FAM120AOS: variants seen among roughly 807,000 people sequenced by gnomAD.
FAM120AOS encodes uncharacterized protein FAM120AOS.
In FAM120AOS, 15 loss-of-function variants were observed where a neutral mutation model predicts 20.2. The ratio of observed to expected loss-of-function variants is 0.74; its 90% CI spans 0.50 to 1.15. FAM120AOS has a LOEUF of 1.15. Among genes scored for constraint, FAM120AOS ranks in the 50% most tolerant of loss-of-function variants. The pLI is 0.00. For missense variants in FAM120AOS, 327 were observed against 351.9 expected (o/e 0.93, Z 0.57); for synonymous variants, 154 against 154.0 (o/e 1.00, Z 0.00).
At position 93,447,659 on chromosome 9, in the gene FAM120AOS, CTT is replaced by C; in HGVS notation, c.721_722del (p.Lys241GlufsTer19). 2 of 1,612,846 alleles carry C rather than the reference CTT, an allele frequency of 1.2e-6. No individual in the cohort carries two copies. Among genetic ancestry groups the C allele is most frequent in the Non-Finnish European group, 1.7e-6 (2 of 1,179,652 alleles). On this transcript the variant is annotated frameshift_variant, in exon 3 of 3. Coordinates refer to ENST00000375412, the MANE Select transcript of FAM120AOS (RefSeq NM_198841.4). LOFTEE classifies it low-confidence loss of function (END_TRUNC). ...RSCSVNNKVS[K>X]KTTKPPTLRS... ...TTAGTGTTGGTGGTTTTGTGGTTTT[CTT>C]TGAGACTTTGTTATTGACAGAACAG...
rs925216346 is a variant in FAM120AOS at position 93,452,513 on chromosome 9, G to T, written c.197C>A (p.Ala66Glu). The change falls in exon 1 of 3, where the codon GCA becomes GAA. Residue 66 changes from alanine (A) to glutamate (E), a missense_variant. Ala to Glu is a moderately radical substitution (Grantham distance 107). Transcript: ENST00000375412. This position sits in a 1 kb window ranked among gnomAD's most constrained non-coding sequence, Gnocchi z 7.0. ...GGGGCAGCGAGTTCCCCCAGCCCTT[G>T]CCCGGGATAGCCTGGCCGGGCCGGG... The part of the protein sequence containing the change: ...LQPGPARLSR[A>E]RAGGTRCPQR... 5.8e-6 allele frequency: 9 copies of T among 1,550,740 alleles called. No individual in the cohort carries two copies. In the South Asian group the frequency reaches 8.0e-5, roughly 14 times the overall value.
In FAM120AOS at chr9:93,452,458, G is replaced by A. The variant is rs1219541671; in HGVS notation, c.252C>T (p.Cys84=). 2.6e-6 allele frequency: 4 copies of A among 1,550,078 alleles called. No individual in the cohort carries two copies. Among genetic ancestry groups the A allele is most frequent in the Non-Finnish European group, 3.5e-6 (4 of 1,150,994 alleles). The change falls in exon 1 of 3, where the codon TGC becomes TGT. Residue 84 remains cysteine (C), a synonymous_variant. Coordinates refer to ENST00000375412, the MANE Select transcript of FAM120AOS (RefSeq NM_198841.4). This position sits in a 1 kb window ranked among gnomAD's most constrained non-coding sequence, Gnocchi z 7.0. ...GCACCCCTATCCCCCTTCCCAGGGC[G>A]CAGAATGTCGCCCGGCCGTGGCGGC... ...PQRRHGRATF[C]ALGRGIGVRR... is the part of the protein sequence containing the mutation.
rs1284254190 is a variant in FAM120AOS, at chr9:93,450,631, G to A, written c.564-32C>T. 14 of 1,608,488 alleles carry A rather than the reference G, an allele frequency of 8.7e-6. No individual in the cohort carries two copies. In the East Asian group the frequency reaches 2.9e-4, roughly 33 times the overall value. ...AAAAAGAACAAATGGAGAGATGAAG[G>A]TAAGTAAAAGCGGCACTTTAAAACT... On this transcript the variant is annotated intron_variant, in intron 1 of 2. Transcript: ENST00000375412.
At position 93,446,046 on chromosome 9, in the gene FAM120AOS, G is replaced by A. The variant is rs763845420; in HGVS notation, c.*1565C>T. Among the ~76,000 whole-genome samples, 3 of 152,172 alleles carry A rather than the reference G, an allele frequency of 2.0e-5. No individual in the cohort carries two copies. The highest frequency in any genetic ancestry group is 2.9e-5 in the Non-Finnish European group (2 of 68,014). ...ATACCACCACACCTGGGACCTGGGA[G>A]GAATGGGGAAGGGGACTTTATAGGG... is the stretch of plus-strand genomic sequence containing the variant. On this transcript the variant is annotated 3_prime_UTR_variant, in exon 3 of 3. Coordinates refer to ENST00000375412, the MANE Select transcript of FAM120AOS (RefSeq NM_198841.4).
In FAM120AOS at chr9:93,445,583, GTTTTTTTTTT is replaced by G. The variant is rs71364380; in HGVS notation, c.*2018_*2027del. 3.7e-5 allele frequency among the ~76,000 whole-genome samples: 3 copies of G among 80,100 alleles called. No homozygotes were observed. The highest frequency in any genetic ancestry group is 1.7e-4 in the Admixed American group (1 of 5,880). The allele number at this position is 80,100 out of a possible 152,430, so 52.5% of individuals were successfully genotyped here. ...TTCTCCAACTTTCATAAAAATCGTT[GTTTTTTTTTT>G]TTTTTTTTTTTTTTGAGACAAGGCC... is the stretch of plus-strand genomic sequence containing the variant. On this transcript the variant is annotated 3_prime_UTR_variant, in exon 3 of 3. Coordinates refer to ENST00000375412, the MANE Select transcript of FAM120AOS (RefSeq NM_198841.4).
Position 93,447,384 on chromosome 9 carries a change from C to T in FAM120AOS, c.*227G>A. The T allele has an allele frequency of 6.2e-6, 3 of 483,496 alleles. No homozygotes were observed. The highest frequency in any genetic ancestry group is 5.9e-5 in the South Asian group (2 of 33,798). The allele number at this position is 483,496 out of a possible 1,614,324, so 30.0% of individuals were successfully genotyped here. ...TTGTCTTATTTTCTTGTTGACTCTA[C>T]TCTGACTTAGGACATATCACTTTCC... On this transcript the variant is annotated 3_prime_UTR_variant, in exon 3 of 3. Coordinates refer to ENST00000375412, the MANE Select transcript of FAM120AOS (RefSeq NM_198841.4).
intron 1 of FAM120AOS, chr9:93,451,891 C>G: frequency 8.0e-7 from 1 of 1,247,392 alleles, no homozygotes; most frequent in Non-Finnish European, 1.0e-6. Context: ...CCGCCCGCAC[C>G]CGCGCCCGCG....
In FAM120AOS at chr9:93,453,187, C is replaced by T; in HGVS notation, c.-478G>A. ...GGCGAACTACGCGGGCGTGAACTCG[C>T]AGGATTTATTTTTCGGGTGCACAGT... is the stretch of plus-strand genomic sequence containing the variant. On this transcript the variant is annotated 5_prime_UTR_variant, in exon 1 of 3. Transcript: ENST00000375412. 1 of 1,000,658 alleles carries T rather than the reference C, an allele frequency of 1.0e-6. No individual in the cohort carries two copies. Among genetic ancestry groups the T allele is most frequent in the Non-Finnish European group, 1.2e-6 (1 of 840,428 alleles). 62.0% of individuals were successfully genotyped at this position (1,000,658 alleles called of 1,614,324 possible). A position where few individuals can be genotyped will look rare whatever the true frequency, so the allele number is the denominator to read the frequency against.
intron 1 of FAM120AOS, chr9:93,451,601 G>T: frequency 1.0e-6 from 1 of 982,618 alleles, no homozygotes; most frequent in Non-Finnish European, 1.2e-6. Context: ...TAGCCGGCGG[G>T]CCTGGGCGGC....
rs923082482 is a variant in FAM120AOS at position 93,452,886 on chromosome 9, C to A, written c.-177G>T. The A allele has an allele frequency of 1.2e-5, 17 of 1,444,214 alleles. No homozygotes were observed. The highest frequency in any genetic ancestry group is 4.9e-4 in the Middle Eastern group (2 of 4,070). The allele number at this position is 1,444,214 out of a possible 1,614,324, so 89.5% of individuals were successfully genotyped here. A position where few individuals can be genotyped will look rare whatever the true frequency, so the allele number is the denominator to read the frequency against. ...CTGCAAATATCAGTGCTGCTGCCGC[C>A]GCCCTTGCCAATGTTGTTAGCCCGG... On this transcript the variant is annotated 5_prime_UTR_variant, in exon 1 of 3. Coordinates refer to ENST00000375412, the MANE Select transcript of FAM120AOS (RefSeq NM_198841.4). The surrounding 1 kb of genome is among the most constrained non-coding windows in gnomAD (Gnocchi z 7.0).
chr9:93,452,975 C>T lies in FAM120AOS; in HGVS notation c.-266G>A, dbSNP rs1213514280. On this transcript the variant is annotated 5_prime_UTR_variant, in exon 1 of 3. Transcript: ENST00000375412. The surrounding 1 kb of genome is among the most constrained non-coding windows in gnomAD (Gnocchi z 7.0). ...CTACTTCAGAACGCAGTGCCCTGTC[C>T]GTGTTCCTCTTAGTACAGGGTGTTT... 7.4e-6 allele frequency: 10 copies of T among 1,351,728 alleles called. No homozygotes were observed. In the East Asian group the frequency reaches 9.4e-5, roughly 13 times the overall value. 83.7% of individuals were successfully genotyped at this position (1,351,728 alleles called of 1,614,324 possible).
In FAM120AOS at chr9:93,447,922, C is replaced by T. The variant is rs1856915865; in HGVS notation, c.685-225G>A. On this transcript the variant is annotated intron_variant, in intron 2 of 2. Coordinates refer to ENST00000375412, the MANE Select transcript of FAM120AOS (RefSeq NM_198841.4). ...AGTTACTGATCTACCATTTATGAAG[C>T]AGGCCTACAGATGTGTGTGTTCTTC... Among the ~76,000 whole-genome samples, 4 of 152,124 alleles carry T rather than the reference C, an allele frequency of 2.6e-5. 1 individual carries two copies. In the South Asian group the frequency reaches 8.3e-4, roughly 32 times the overall value.
chr9:93,450,738 A>G lies in FAM120AOS; in HGVS notation c.564-139T>C, dbSNP rs1857111458. The G allele has an allele frequency of 3.0e-6, 4 of 1,315,964 alleles. No individual in the cohort carries two copies. In the Admixed American group the frequency reaches 7.9e-5, roughly 26 times the overall value. The allele number at this position is 1,315,964 out of a possible 1,614,324, so 81.5% of individuals were successfully genotyped here. A position where few individuals can be genotyped will look rare whatever the true frequency, so the allele number is the denominator to read the frequency against. On this transcript the variant is annotated intron_variant, in intron 1 of 2. Transcript: ENST00000375412. ...AATGTTTTATGCAAGCCTAATATAC[A>G]TACAGTATCAACCTCATTTTAGAAG...
At position 93,445,036 on chromosome 9, in the gene FAM120AOS, T is replaced by A. The variant is rs1272592587; in HGVS notation, c.*2575A>T. On this transcript the variant is annotated 3_prime_UTR_variant, in exon 3 of 3. Coordinates refer to ENST00000375412, the MANE Select transcript of FAM120AOS (RefSeq NM_198841.4). ...ACAAACGGTACAAATTAAAAGTTCTTGAGATGTTTGGGCTGACCATGAAGG... is the reference window on the plus strand; with the variant it reads ...ACAAACGGTACAAATTAAAAGTTCTAGAGATGTTTGGGCTGACCATGAAGG... 6.6e-6 allele frequency among the ~76,000 whole-genome samples: 1 copy of A among 152,182 alleles called. No homozygotes were observed. The highest frequency in any genetic ancestry group is 1.5e-5 in the Non-Finnish European group (1 of 68,036).
intron 1 of FAM120AOS, chr9:93,451,411 G>A: frequency 1.5e-6 from 2 of 1,349,502 alleles, no homozygotes; most frequent in South Asian, 1.7e-5. Flanking sequence ...CAGGGCGCAG[G>A]GGAGGGGAGC....
chr9:93,452,906 G>A lies in FAM120AOS; in HGVS notation c.-197C>T. 2.1e-6 allele frequency: 3 copies of A among 1,436,308 alleles called. No individual in the cohort carries two copies. The highest frequency in any genetic ancestry group is 2.7e-6 in the Non-Finnish European group (3 of 1,103,070). 89.0% of individuals were successfully genotyped at this position (1,436,308 alleles called of 1,614,324 possible). A position where few individuals can be genotyped will look rare whatever the true frequency, so the allele number is the denominator to read the frequency against. ...GCCGCCGCCCTTGCCAATGTTGTTA[G>A]CCCGGTGACAGCGAGACGTGTCTAA... On this transcript the variant is annotated 5_prime_UTR_variant, in exon 1 of 3. Transcript: ENST00000375412. This position sits in a 1 kb window ranked among gnomAD's most constrained non-coding sequence, Gnocchi z 7.0.
intron 1 of FAM120AOS, chr9:93,451,309 C>G: frequency 6.9e-7 from 1 of 1,447,746 alleles, no homozygotes. Flanking sequence ...CCCTCAGGAG[C>G]AGGCGAGCTC....
intron 2 of FAM120AOS, among the ~76,000 whole-genome samples, chr9:93,450,272 A>G (rs190854627): frequency 1.1e-4 from 16 of 152,322 alleles, no homozygotes. Flanking sequence ...TACAGGCGTG[A>G]GCCACCGCAC....
intron 2 of FAM120AOS, among the ~76,000 whole-genome samples, chr9:93,449,834 G>T (rs1460099232): frequency 6.6e-6 from 1 of 151,966 alleles, no homozygotes; most frequent in Non-Finnish European, 1.5e-5. Flanking sequence ...TAAAGAAAAG[G>T]TAAATACACG....
Sources: gnomAD v4.1 joint callset for allele counts (sites outside exome capture counted in the v4.1 genomes callset) on GRCh38, gnomAD v4.1.1 for gene constraint, Gnocchi (gnomAD v3.1) non-coding constraint, MANE v1.5 for transcripts, NCBI Gene and HGNC (gene_info 2026-07-23, HGNC 2026-07-21) for gene names.